Variants in HYCC1 observed in about 807,000 individuals in gnomAD.
HYCC1 encodes the protein hyccin PI4KA lipid kinase complex subunit 1, also known as hyccin.
At chr7:22,904,418 G>A in the HYCC1 span, among the ~76,000 whole-genome samples, 6 of 132,326 alleles carry the variant, frequency 4.5e-5, no homozygotes, top group East Asian at 2.1e-4. Context: ...GCAACAGAGC[G>A]AGACTCTGTC....
At chr7:22,955,742 TAAAC>T in the HYCC1 span, among the ~76,000 whole-genome samples, 2 of 151,598 alleles carry the variant, frequency 1.3e-5, no homozygotes, top group African/African-American at 4.8e-5. Flanking sequence ...CACAAGGAAA[TAAAC>T]AAGTATAAAT....
At chr7:22,964,751 T>G in the HYCC1 span, among the ~76,000 whole-genome samples, 2 of 152,040 alleles carry the variant, frequency 1.3e-5, no homozygotes, top group Non-Finnish European at 2.9e-5. Context: ...ATACACAGAG[T>G]AAATGAACCA....
At chr7:22,988,502 G>A in the HYCC1 span, among the ~76,000 whole-genome samples, 1 of 152,090 alleles carries the variant, frequency 6.6e-6, no homozygotes, top group African/African-American at 2.4e-5. Context: ...TTCTTGTAGT[G>A]GAAGATGGTA....
At chr7:22,899,287 C>A in the HYCC1 span, among the ~76,000 whole-genome samples, 2 of 152,146 alleles carry the variant, frequency 1.3e-5, no homozygotes, top group African/African-American at 4.8e-5. Flanking sequence ...AGTCTTCTTG[C>A]AGGTTGTACG....
At chr7:22,919,261 G>A in the HYCC1 span, among the ~76,000 whole-genome samples, 1 of 152,222 alleles carries the variant, frequency 6.6e-6, no homozygotes, top group African/African-American at 2.4e-5. Context: ...AGGCGCCGTG[G>A]CTCACACCTG....
At chr7:22,913,189 A>G in the HYCC1 span, among the ~76,000 whole-genome samples, 1 of 152,074 alleles carries the variant, frequency 6.6e-6, no homozygotes, top group Non-Finnish European at 1.5e-5. Flanking sequence ...ACTAAAACTA[A>G]AGACTAGTCT....
At chr7:23,006,514 A>AAAGT in the HYCC1 span, among the ~76,000 whole-genome samples, 1 of 151,908 alleles carries the variant, frequency 6.6e-6, no homozygotes, top group Non-Finnish European at 1.5e-5. Context: ...TGATCCACCC[A>AAAGT]CCTCGGCCTC....
the HYCC1 span, among the ~76,000 whole-genome samples, chr7:22,903,232 C>T: frequency 2.0e-5 from 3 of 151,896 alleles, no homozygotes; most frequent in Admixed American, 6.6e-5. Context: ...TATATTCAAG[C>T]GAAATGAAAA....
At chr7:22,969,776 G>A in the HYCC1 span, among the ~76,000 whole-genome samples, 2 of 151,988 alleles carry the variant, frequency 1.3e-5, no homozygotes, top group East Asian at 1.9e-4. Context: ...TACCCACATC[G>A]GCCTCCCAAA....
At chr7:22,998,809 C>G in the HYCC1 span, among the ~76,000 whole-genome samples, 1 of 152,152 alleles carries the variant, frequency 6.6e-6, no homozygotes. Context: ...TTCTCCTGAA[C>G]ACACCATGAC....
chr7:22,982,602 A>G, the HYCC1 span, among the ~76,000 whole-genome samples: 1 of 152,172 alleles, frequency 6.6e-6, no homozygotes, highest in Non-Finnish European at 1.5e-5. Context: ...GGAATTATGT[A>G]CTTCAGATCC....
At chr7:22,986,430 C>T in the HYCC1 span, among the ~76,000 whole-genome samples, 3 of 152,212 alleles carry the variant, frequency 2.0e-5, no homozygotes, top group Non-Finnish European at 2.9e-5. Context: ...TTTAAATTTT[C>T]TCACACTGTA....
chr7:22,929,219 A>C, the HYCC1 span, among the ~76,000 whole-genome samples: 1 of 152,224 alleles, frequency 6.6e-6, no homozygotes, highest in Non-Finnish European at 1.5e-5. Context: ...TACATGTTAG[A>C]CCTAAAACCA....
the HYCC1 span, among the ~76,000 whole-genome samples, chr7:22,956,192 T>C: frequency 4.6e-5 from 7 of 151,800 alleles, no homozygotes; most frequent in South Asian, 6.2e-4. Flanking sequence ...GTAGGTGACT[T>C]GAAAATCTAT....
the HYCC1 span, among the ~76,000 whole-genome samples, chr7:22,946,669 A>G: frequency 2.0e-5 from 3 of 152,102 alleles, no homozygotes; most frequent in African/African-American, 7.2e-5. Context: ...ATAAAATTCT[A>G]TACACATTAT....
At chr7:22,919,105 C>T in the HYCC1 span, among the ~76,000 whole-genome samples, 15 of 152,074 alleles carry the variant, frequency 9.9e-5, no homozygotes, top group Non-Finnish European at 1.6e-4. Flanking sequence ...GAAACAGAAA[C>T]GTGTGAGGCA....
chr7:22,904,301 G>T, the HYCC1 span, among the ~76,000 whole-genome samples: 2 of 151,828 alleles, frequency 1.3e-5, no homozygotes, highest in Non-Finnish European at 2.9e-5. Flanking sequence ...CGTGGTGGCA[G>T]GTGCCTGTAG....
chr7:22,952,871 C>T, the HYCC1 span, among the ~76,000 whole-genome samples: 2 of 151,830 alleles, frequency 1.3e-5, no homozygotes, highest in South Asian at 4.1e-4. Flanking sequence ...AAAACAAAGA[C>T]TAAGATGTCA....
At chr7:23,007,157 T>C in the HYCC1 span, among the ~76,000 whole-genome samples, 3 of 152,154 alleles carry the variant, frequency 2.0e-5, no homozygotes, top group African/African-American at 7.2e-5. Flanking sequence ...ATAACAGGGT[T>C]ACCAAAAATT....
Sources: gnomAD v4.1 joint callset for allele counts (sites outside exome capture counted in the v4.1 genomes callset) on GRCh38, gnomAD v4.1.1 for gene constraint, MANE v1.5 for transcripts, NCBI Gene and HGNC (gene_info 2026-07-23, HGNC 2026-07-21) for gene names.